Variants in PCDHGA2 observed in about 807,000 individuals in gnomAD.
PCDHGA2 encodes the protein protocadherin gamma-A2.
In PCDHGA2, 40 loss-of-function variants were observed where a neutral mutation model predicts 59.2. The ratio of observed to expected loss-of-function variants is 0.68; its 90% confidence interval spans 0.52 to 0.88. The LOEUF (loss-of-function observed/expected upper bound fraction) is 0.88. PCDHGA2 is among the 40% of genes least tolerant of loss of function. The pLI, the probability that PCDHGA2 is intolerant of heterozygous loss-of-function variation, is 0.00. For missense variants in PCDHGA2, 1,226 were observed against 1,204.0 expected, an observed-to-expected ratio of 1.02 and a Z score of -0.27; for synonymous variants, 560 against 526.0, an observed-to-expected ratio of 1.06 and a Z score of -0.89.
intron 1 of PCDHGA2, among the ~76,000 whole-genome samples, chr5:141,474,463 T>C (rs1447737626): frequency 6.6e-6 from 1 of 152,228 alleles, no homozygotes; most frequent in Admixed American, 6.5e-5. Flanking sequence ...GCTATACTCT[T>C]TATTCTAAAT....
intron 1 of PCDHGA2, chr5:141,361,654 G>A (rs779307225): frequency 1.2e-6 from 2 of 1,613,664 alleles, no homozygotes; most frequent in African/African-American, 1.3e-5. Context: ...CTACGTGTCC[G>A]TGAGCGCGCA....
At chr5:141,399,910 G>T in intron 1 of PCDHGA2, 1 of 1,612,438 alleles carries the variant, frequency 6.2e-7, no homozygotes, top group Non-Finnish European at 8.5e-7. Context: ...CGCAGACTCA[G>T]GACACAACGC....
intron 1 of PCDHGA2, chr5:141,478,597 C>T: frequency 6.4e-7 from 1 of 1,567,010 alleles, no homozygotes; most frequent in Non-Finnish European, 8.7e-7. Flanking sequence ...TTTATTCCTA[C>T]ATCATATTGA....
intron 1 of PCDHGA2, among the ~76,000 whole-genome samples, chr5:141,492,622 C>A (rs2099742615): frequency 6.6e-6 from 1 of 152,218 alleles, no homozygotes; most frequent in South Asian, 2.1e-4. Flanking sequence ...GCCGGGCGGG[C>A]AGGACTCTAC....
chr5:141,364,366 G>A (rs755664508), intron 1 of PCDHGA2: 1 of 1,563,758 alleles, frequency 6.4e-7, no homozygotes, highest in South Asian at 1.2e-5. Context: ...GCTGCGGAGA[G>A]CTGCTGCTGC....
At chr5:141,480,910 T>C (rs985100480) in intron 1 of PCDHGA2, among the ~76,000 whole-genome samples, 5 of 152,106 alleles carry the variant, frequency 3.3e-5, no homozygotes, top group Non-Finnish European at 7.4e-5. Flanking sequence ...CTGGGCATGG[T>C]GGCGCATACC....
In PCDHGA2 at chr5:141,405,177, G is replaced by C. The variant is rs370032217; in HGVS notation, c.2424+63782G>C. On this transcript the variant is annotated intron_variant, in intron 1 of 3. Coordinates refer to ENST00000394576, the MANE Select transcript of PCDHGA2 (RefSeq NM_018915.4). Reference sequence around the variant, plus strand: ...GGTGTGCCCACCTCACACTTTGTGGGTGTAGATGGGGTTCGAGCTTTCCTA... The same window carrying C: ...GGTGTGCCCACCTCACACTTTGTGGCTGTAGATGGGGTTCGAGCTTTCCTA... 1.6e-5 allele frequency: 26 copies of C among 1,614,140 alleles called. No homozygotes were observed. The highest frequency in any genetic ancestry group is 2.0e-5 in the Non-Finnish European group (24 of 1,180,024).
chr5:141,415,690 G>C (rs1218128531), intron 1 of PCDHGA2: 4 of 1,512,972 alleles, frequency 2.6e-6, no homozygotes, highest in Non-Finnish European at 3.6e-6. Context: ...CATGATGGTG[G>C]AAAGTGTAAA....
Position 141,375,459 on chromosome 5 carries a change from T to A in PCDHGA2, c.2424+34064T>A, listed in dbSNP as rs775895246. The A allele has an allele frequency of 1.9e-6, 3 of 1,613,896 alleles. No homozygotes were observed. The highest frequency in any genetic ancestry group is 3.3e-5 in the Admixed American group (2 of 60,016). On this transcript the variant is annotated intron_variant, in intron 1 of 3. Coordinates refer to ENST00000394576, the MANE Select transcript of PCDHGA2 (RefSeq NM_018915.4). ...ACCTTCCCCCATTCATCCTACTCAG[T>A]CTATGTCCTTGAAAACAACCCCAGG... is the stretch of plus-strand genomic sequence containing the variant.
intron 1 of PCDHGA2, chr5:141,427,653 G>A (rs1221862562): frequency 4.1e-6 from 3 of 725,570 alleles, no homozygotes; most frequent in Non-Finnish European, 4.9e-6. Flanking sequence ...CTCCTACGTG[G>A]TCCACGTGGC....
At chr5:141,356,909 A>G (rs748015805) in intron 1 of PCDHGA2, 23 of 1,613,988 alleles carry the variant, frequency 1.4e-5, no homozygotes, top group Non-Finnish European at 1.8e-5. Flanking sequence ...TTCCCTACTG[A>G]TGGCTCCACT....
chr5:141,399,287 C>G (rs1393904771), intron 1 of PCDHGA2: 1 of 1,613,912 alleles, frequency 6.2e-7, no homozygotes, highest in Non-Finnish European at 8.5e-7. Context: ...GGCGAAGTCC[C>G]TTTTAAGATT....
intron 1 of PCDHGA2, among the ~76,000 whole-genome samples, chr5:141,456,907 G>A (rs1430292511): frequency 6.6e-6 from 1 of 152,108 alleles, no homozygotes; most frequent in Non-Finnish European, 1.5e-5. Flanking sequence ...AGGTTGCAGT[G>A]AGCCGAGATC....
intron 1 of PCDHGA2, chr5:141,421,256 G>A (rs1205670837): frequency 1.2e-6 from 2 of 1,607,696 alleles, no homozygotes; most frequent in African/African-American, 1.3e-5. Flanking sequence ...CGCGGGGACC[G>A]CAGTCGGCTG....
chr5:141,450,280 T>C (rs1374970772), intron 1 of PCDHGA2, among the ~76,000 whole-genome samples: 2 of 152,166 alleles, frequency 1.3e-5, no homozygotes, highest in African/African-American at 4.8e-5. Context: ...AGCTAAGTGC[T>C]GGGATTACAG....
chr5:141,345,702 G>T (rs772237828), intron 1 of PCDHGA2: 1 of 1,614,206 alleles, frequency 6.2e-7, no homozygotes, highest in Non-Finnish European at 8.5e-7. Context: ...GGACCAGAAC[G>T]ACAACGCGCC....
rs1285129755 is a variant in PCDHGA2 at position 141,350,449 on chromosome 5, A to C, written c.2424+9054A>C. The C allele has an allele frequency of 1.2e-6, 2 of 1,610,634 alleles. No homozygotes were observed. Among genetic ancestry groups the C allele is most frequent in the African/African-American group, 2.7e-5 (2 of 74,816 alleles). The stretch of plus-strand genomic sequence containing the variant: ...GTGTCCGGGAGTTGCCAACTCGAAA[A>C]CTGCGGGTTAGTGCAGAGGATTATT... On this transcript the variant is annotated intron_variant, in intron 1 of 3. Coordinates refer to ENST00000394576, the MANE Select transcript of PCDHGA2 (RefSeq NM_018915.4).
chr5:141,422,087 G>A, intron 1 of PCDHGA2: 6 of 1,611,966 alleles, frequency 3.7e-6, no homozygotes, highest in Non-Finnish European at 5.1e-6. Context: ...AACATGGAAA[G>A]CAAGGCTTCT....
chr5:141,436,277 T>G (rs2097806022), intron 1 of PCDHGA2, among the ~76,000 whole-genome samples: 1 of 152,194 alleles, frequency 6.6e-6, no homozygotes, highest in Non-Finnish European at 1.5e-5. Flanking sequence ...TAACTTGATT[T>G]AGGAACAAAT....
Sources: allele counts gnomAD v4.1 joint callset (sites outside exome capture counted in the v4.1 genomes callset), GRCh38; gene constraint gnomAD v4.1.1; transcripts MANE v1.5; gene names NCBI Gene and HGNC (gene_info 2026-07-23, HGNC 2026-07-21).